TOPAZ1: variants seen among roughly 807,000 people sequenced by gnomAD.
The protein encoded by TOPAZ1 is protein TOPAZ1.
A neutral mutation model predicts 172.2 loss-of-function variants in TOPAZ1; 66 were observed. The observed-to-expected ratio is 0.38, with a 90% CI of 0.31 to 0.47. TOPAZ1 has a LOEUF of 0.47. TOPAZ1 is among the 20% of genes least tolerant of loss of function. The pLI is 0.99. For synonymous variants in TOPAZ1, 681 were observed against 683.9 expected, an observed-to-expected ratio of 1.00 and a Z score of 0.07; for missense variants, 1,822 against 1,972.4, an observed-to-expected ratio of 0.92 and a Z score of 1.44.
chr3:44,297,919 A>G (rs1235698934), intron 12 of TOPAZ1, among the ~76,000 whole-genome samples: 2 of 152,224 alleles, frequency 1.3e-5, no homozygotes, highest in African/African-American at 4.8e-5. Context: ...AATCTGACTG[A>G]ACACATGCTA....
At chr3:44,255,712 CACACACACATAT>C (rs1439967207) in intron 3 of TOPAZ1, among the ~76,000 whole-genome samples, 32 of 96,330 alleles carry the variant, frequency 3.3e-4, no homozygotes, top group East Asian at 1.1e-3. Context: ...CACACACACA[CACACACACATAT>C]ATATATGGTT....
chr3:44,254,581 C>G (rs948333256), intron 2 of TOPAZ1, among the ~76,000 whole-genome samples: 2 of 138,172 alleles, frequency 1.4e-5, no homozygotes, highest in Admixed American at 8.3e-5. Context: ...GAGCCAAGAT[C>G]GCGCCATTGC....
rs536957665 is a variant in TOPAZ1 at position 44,244,529 on chromosome 3, T to G, written c.2023T>G (p.Leu675Val). The G allele has an allele frequency of 6.5e-5, 101 of 1,551,008 alleles. No homozygotes were observed. The highest frequency in any genetic ancestry group is 8.8e-5 in the Non-Finnish European group (101 of 1,146,878). Residue 675 changes from leucine to valine, a missense_variant, in exon 2 of 20, where the codon TTG (leucine) becomes GTG (valine). Coordinates refer to ENST00000309765, the MANE Select transcript of TOPAZ1 (RefSeq NM_001145030.2). ...TCAACAAACATTTATAGTTCCAGAC[T>G]TGGTTAAAATATTGAACACAGGACG... ...IAQQTFIVPD[L>V]VKILNTGRLT...
At chr3:44,298,889 TA>T (rs1168330386) in intron 12 of TOPAZ1, among the ~76,000 whole-genome samples, 1 of 5,716 alleles carries the variant, frequency 1.7e-4, no homozygotes, top group Non-Finnish European at 2.8e-4. Flanking sequence ...TATGTATATA[TA>T]TTATATATAT....
intron 16 of TOPAZ1, among the ~76,000 whole-genome samples, chr3:44,319,325 A>G (rs1700485257): frequency 1.3e-5 from 2 of 152,214 alleles, no homozygotes; most frequent in Non-Finnish European, 1.5e-5. Context: ...AGTTTGATAA[A>G]AATTTTAAAT....
intron 9 of TOPAZ1, among the ~76,000 whole-genome samples, chr3:44,285,121 C>G (rs1395116291): frequency 6.6e-6 from 1 of 152,122 alleles, no homozygotes; most frequent in Non-Finnish European, 1.5e-5. Flanking sequence ...ATACCTGATT[C>G]TGGTGAGTAA....
At chr3:44,294,575 C>T (rs1415106297) in intron 12 of TOPAZ1, among the ~76,000 whole-genome samples, 3 of 152,130 alleles carry the variant, frequency 2.0e-5, no homozygotes, top group Admixed American at 6.5e-5. Flanking sequence ...GCTCATGGCT[C>T]ACTGCAGCCT....
Position 44,243,984 on chromosome 3 carries a change from C to T in TOPAZ1, c.1478C>T (p.Thr493Ile). ...QRTIPMTGKRTWPYYSCARIS... is the reference protein window; with the variant it reads ...QRTIPMTGKRIWPYYSCARIS... Reference sequence around the variant, plus strand: ...ACAATACCTATGACTGGTAAAAGAACTTGGCCCTATTATTCATGTGCTAGA... The same window carrying T: ...ACAATACCTATGACTGGTAAAAGAATTTGGCCCTATTATTCATGTGCTAGA... The change falls in exon 2 of 20, where the codon ACT becomes ATT. Residue 493 changes from threonine (T) to isoleucine (I), a missense_variant. By Grantham distance (89) the Thr-to-Ile change is moderately conservative. Around this residue, in one of 2 missense-constraint regions of TOPAZ1, gnomAD observed 1,489 missense variants for 1,490.8 expected, o/e 1.00. Coordinates refer to ENST00000309765, the MANE Select transcript of TOPAZ1 (RefSeq NM_001145030.2). The T allele has an allele frequency of 6.4e-7, 1 of 1,552,290 alleles. No homozygotes were observed. The highest frequency in any genetic ancestry group is 8.7e-7 in the Non-Finnish European group (1 of 1,147,074).
At chr3:44,307,409 A>G (rs940489235) in intron 15 of TOPAZ1, among the ~76,000 whole-genome samples, 4 of 152,178 alleles carry the variant, frequency 2.6e-5, no homozygotes, top group Admixed American at 6.5e-5. Context: ...GGAACACTAT[A>G]TACCATATAT....
intron 3 of TOPAZ1, among the ~76,000 whole-genome samples, chr3:44,255,430 A>G (rs1197734819): frequency 6.6e-6 from 1 of 151,992 alleles, no homozygotes; most frequent in African/African-American, 2.4e-5. Context: ...CGGCAGGTGG[A>G]TCACGAGGTC....
intron 17 of TOPAZ1, 36 bp downstream of exon 17, chr3:44,321,227 G>C: frequency 6.9e-7 from 1 of 1,446,546 alleles, no homozygotes. Flanking sequence ...ATTATCTCTT[G>C]CCCATCTGGT....
intron 12 of TOPAZ1, among the ~76,000 whole-genome samples, chr3:44,303,452 G>T (rs1700298013): frequency 2.2e-5 from 3 of 137,910 alleles, no homozygotes; most frequent in African/African-American, 8.1e-5. Flanking sequence ...CTTCCTTGTG[G>T]TTCTGATCTA....
At chr3:44,335,734 G>A (rs142729405), downstream of TOPAZ1, among the ~76,000 whole-genome samples, 137 of 152,264 alleles carry the variant, frequency 9.0e-4, 1 homozygote, top group East Asian at 0.024. Context: ...AGTCAGATCT[G>A]GTAGGGCTGA....
chr3:44,332,797 A>C (rs1700684864), downstream of TOPAZ1, among the ~76,000 whole-genome samples: 1 of 47,490 alleles, frequency 2.1e-5, no homozygotes, highest in Non-Finnish European at 4.4e-5. Context: ...GGGGACTGAA[A>C]GTTTTTTTTT....
chr3:44,245,238 C>T lies in TOPAZ1; in HGVS notation c.2732C>T (p.Thr911Ile), dbSNP rs1699550305. 2 of 1,539,464 alleles carry T rather than the reference C, an allele frequency of 1.3e-6. No individual in the cohort carries two copies. Residue 911 changes from threonine (T) to isoleucine (I), a missense_variant, in exon 2 of 20, where the codon ACT (threonine) becomes ATT (isoleucine). Physicochemically the swap from Thr to Ile is moderately conservative, Grantham distance 89 (BLOSUM62 -1). Transcript: ENST00000309765. ...HQSTDSKYMETPVKKEPSDDL... is the reference protein window; with the variant it reads ...HQSTDSKYMEIPVKKEPSDDL... ...TCAACAGACTCCAAGTACATGGAAA[C>T]TCCAGTAAAAAAAGAACCAAGTGAT...
intron 9 of TOPAZ1, among the ~76,000 whole-genome samples, chr3:44,285,995 G>A (rs1425185519): frequency 6.6e-6 from 1 of 151,954 alleles, no homozygotes; most frequent in Non-Finnish European, 1.5e-5. Flanking sequence ...GATCACCTGA[G>A]GTCAGAAGTT....
Position 44,270,816 on chromosome 3 carries a change from A to G in TOPAZ1, c.3372+6A>G, listed in dbSNP as rs1184177790. 1 of 1,539,422 alleles carries G rather than the reference A, an allele frequency of 6.5e-7. No individual in the cohort carries two copies. The highest frequency in any genetic ancestry group is 8.8e-7 in the Non-Finnish European group (1 of 1,142,644). ...CTGAACAAGGGGATGAAAAGGTAAA[A>G]CATATAAAGTCTTTAAAGTAGAGAT... On this transcript the variant is annotated splice_donor_region_variant and intron_variant, in intron 8 of 19. Transcript: ENST00000309765.
intron 8 of TOPAZ1, among the ~76,000 whole-genome samples, chr3:44,278,192 T>C (rs1699984864): frequency 6.6e-6 from 1 of 152,232 alleles, no homozygotes; most frequent in Non-Finnish European, 1.5e-5. Context: ...TATTTATTTG[T>C]GTGTGTTGTG....
At chr3:44,305,424 C>T in intron 14 of TOPAZ1, 103 bp downstream of exon 14, 1 of 1,038,668 alleles carries the variant, frequency 9.6e-7, no homozygotes, top group Non-Finnish European at 1.3e-6. Flanking sequence ...GGCTGGAGTA[C>T]AGGGGTGCGG....
Sources: gnomAD v4.1 joint callset for allele counts (sites outside exome capture counted in the v4.1 genomes callset) on GRCh38, gnomAD v4.1.1 for gene constraint, gnomAD v4.1.1 regional missense constraint, MANE v1.5 for transcripts, NCBI Gene and HGNC (gene_info 2026-07-23, HGNC 2026-07-21) for gene names.